CCZ1B: variants seen among roughly 807,000 people sequenced by gnomAD.
The protein encoded by CCZ1B is vacuolar fusion protein CCZ1 homolog B.
A neutral mutation model predicts 58.8 loss-of-function variants in CCZ1B; 25 were observed. That is an observed-to-expected ratio of 0.43 (90% confidence interval 0.31 to 0.59). The LOEUF (loss-of-function observed/expected upper bound fraction) is 0.59, where lower values mean the gene tolerates loss of function less well. Ranked by LOEUF, CCZ1B falls within the 20% of genes least tolerant of loss-of-function variation. The probability of loss-of-function intolerance (pLI) is 0.12; values close to 1 mark genes in which losing one functional copy is unlikely to be tolerated. For missense variants in CCZ1B, 180 were observed against 501.5 expected (o/e 0.36, Z 6.12); for synonymous variants, 66 against 173.2 (o/e 0.38, Z 4.86).
At chr7:6,817,874 C>T (rs13236521) in intron 7 of CCZ1B, among the ~76,000 whole-genome samples, 3 of 148,936 alleles carry the variant, frequency 2.0e-5, no homozygotes, top group African/African-American at 5.1e-5. Flanking sequence ...TGTTGTGGTA[C>T]TCACCTGTAA....
intron 9 of CCZ1B, 34 bp downstream of exon 9, chr7:6,812,942 C>A (rs746452106): frequency 2.6e-6 from 4 of 1,518,296 alleles, no homozygotes; most frequent in Non-Finnish European, 2.7e-6. Context: ...AGAAAGAAAA[C>A]CCAGTATCAT....
chr7:6,814,501 C>T (rs1782966909), intron 8 of CCZ1B: 3 of 348,564 alleles, frequency 8.6e-6, no homozygotes, highest in Non-Finnish European at 1.6e-5. Context: ...GTCTCAAAAA[C>T]CAAACAAACA....
chr7:6,814,989 A>T, intron 7 of CCZ1B, 144 bp from the exon 8 acceptor site: 1 of 556,784 alleles, frequency 1.8e-6, no homozygotes, highest in Non-Finnish European at 3.0e-6. Flanking sequence ...TAAAGTTTAA[A>T]GCTACTTAAA....
At chr7:6,813,406 C>T (rs572659982) in intron 8 of CCZ1B, among the ~76,000 whole-genome samples, 1 of 149,124 alleles carries the variant, frequency 6.7e-6, no homozygotes, top group African/African-American at 2.5e-5. Flanking sequence ...GGCAACATGA[C>T]GAGATCCCAT....
chr7:6,813,456 T>C (rs1412589597), intron 8 of CCZ1B, among the ~76,000 whole-genome samples: 1 of 149,050 alleles, frequency 6.7e-6, no homozygotes, highest in Non-Finnish European at 1.5e-5. Flanking sequence ...CACACACCTG[T>C]AGTCTCAGCT....
At chr7:6,817,572 C>T (rs1206195057) in intron 7 of CCZ1B, among the ~76,000 whole-genome samples, 2 of 149,868 alleles carry the variant, frequency 1.3e-5, no homozygotes, top group Non-Finnish European at 3.0e-5. Context: ...CCTCTGCAGA[C>T]CTGATGCTAC....
intron 6 of CCZ1B, among the ~76,000 whole-genome samples, chr7:6,820,443 C>A (rs1783090213): frequency 6.7e-6 from 1 of 148,924 alleles, no homozygotes; most frequent in Non-Finnish European, 1.5e-5. Flanking sequence ...TCCCAAAGTG[C>A]TGGGATTAGA....
At chr7:6,802,060 G>A (rs948722116) in intron 12 of CCZ1B, among the ~76,000 whole-genome samples, 1 of 100,324 alleles carries the variant, frequency 1.0e-5, no homozygotes. Context: ...ACCCCTGCTT[G>A]AGGAGAGTAA....
At chr7:6,816,205 C>T (rs969971798) in intron 7 of CCZ1B, among the ~76,000 whole-genome samples, 2 of 148,362 alleles carry the variant, frequency 1.3e-5, no homozygotes, top group African/African-American at 2.6e-5. Flanking sequence ...GGTGGTCGGG[C>T]GCGGAAGCTC....
At position 6,820,128 on chromosome 7, in the gene CCZ1B, T is replaced by C. The variant is rs1328961624; in HGVS notation, c.523-187A>G. On this transcript the variant is annotated intron_variant, in intron 6 of 14. Coordinates refer to ENST00000316731, the MANE Select transcript of CCZ1B (RefSeq NM_198097.5). ...TGTCAACTCAGTACCAATTCCAAGATACAAAGTTCAAACTATCTACTTAAT... is the reference window on the plus strand; with the variant it reads ...TGTCAACTCAGTACCAATTCCAAGACACAAAGTTCAAACTATCTACTTAAT... Among the ~76,000 whole-genome samples the C allele has an allele frequency of 4.6e-4, 51 of 111,956 alleles. 8 individuals carry two copies. Among genetic ancestry groups the C allele is most frequent in the African/African-American group, 1.5e-3 (48 of 31,056 alleles). The allele number at this position is 111,956 out of a possible 152,430, so 73.4% of individuals were successfully genotyped here.
chr7:6,815,163 T>A (rs190336162), intron 7 of CCZ1B, among the ~76,000 whole-genome samples: 1,839 of 132,590 alleles, frequency 0.014, 152 homozygotes, highest in African/African-American at 0.05. Flanking sequence ...TAAAAAAAAA[T>A]TTTTTTTTCT....
At chr7:6,823,496 GA>G in intron 4 of CCZ1B, 136 bp from the exon 5 acceptor site, 4 of 918,448 alleles carry the variant, frequency 4.4e-6, no homozygotes, top group East Asian at 3.5e-5. Flanking sequence ...GTTGCGTGCT[GA>G]AAAAAAGTGT....
At position 6,819,871 on chromosome 7, in the gene CCZ1B, A is replaced by G; in HGVS notation, c.593T>C (p.Leu198Ser). ...DIFGGISFFP[L>S]DKMTYLKIQS... ...GATTTTCAAATAAGTCATTTTATCC[A>G]ACGGGAAGAAGCTGATTCCACCAAA... Residue 198 changes from leucine (L) to serine (S), a missense_variant, in exon 7 of 15, where the codon TTG becomes TCG. Physicochemically the swap from Leu to Ser is moderately radical, Grantham distance 145 (BLOSUM62 -2). Transcript: ENST00000316731. 6.3e-7 allele frequency: 1 copy of G among 1,585,212 alleles called. No homozygotes were observed.
At chr7:6,803,965 C>CA (rs989113872) in intron 12 of CCZ1B, among the ~76,000 whole-genome samples, 2 of 141,626 alleles carry the variant, frequency 1.4e-5, no homozygotes, top group Non-Finnish European at 3.1e-5. Flanking sequence ...AAAAAAAACC[C>CA]AAAAAACAAC....
At chr7:6,819,990 T>C (rs748172589) in intron 6 of CCZ1B, 49 bp from the exon 7 acceptor site, 1 of 1,460,384 alleles carries the variant, frequency 6.8e-7, no homozygotes, top group Non-Finnish European at 9.4e-7. Flanking sequence ...ACACTGAATA[T>C]AATGCTCCTT....
rs546071014 is a variant in CCZ1B at position 6,814,709 on chromosome 7, C to T, written c.780+55G>A. 8.2e-4 allele frequency: 1,213 copies of T among 1,475,824 alleles called. 23 individuals are homozygous for T. Among genetic ancestry groups the T allele is most frequent in the Non-Finnish European group, 1.1e-3 (1,175 of 1,070,014 alleles). The allele number at this position is 1,475,824 out of a possible 1,614,324, so 91.4% of individuals were successfully genotyped here. ...CCCATGCACCACCATCTCACTCCAC[C>T]TGCCCTCTCTGTGCCCCTGCATGTA... On this transcript the variant is annotated intron_variant, in intron 8 of 14. Transcript: ENST00000316731.
chr7:6,804,294 AC>A (rs1782804856), intron 12 of CCZ1B, among the ~76,000 whole-genome samples: 1 of 111,296 alleles, frequency 9.0e-6, no homozygotes, highest in Non-Finnish European at 1.8e-5. Context: ...ATGGTGGTGC[AC>A]GCCTGTAATC....
chr7:6,820,324 G>A (rs551698287), intron 6 of CCZ1B, among the ~76,000 whole-genome samples: 1 of 149,112 alleles, frequency 6.7e-6, no homozygotes, highest in African/African-American at 2.5e-5. Context: ...GACTACAGGC[G>A]CCTGCCACCA....
chr7:6,818,470 A>G (rs1233014410), intron 7 of CCZ1B, among the ~76,000 whole-genome samples: 1 of 148,994 alleles, frequency 6.7e-6, no homozygotes, highest in African/African-American at 2.5e-5. Flanking sequence ...AATCGCTTGA[A>G]CCCAGGAAGG....
Sources: allele counts gnomAD v4.1 joint callset (sites outside exome capture counted in the v4.1 genomes callset), GRCh38; gene constraint gnomAD v4.1.1; transcripts MANE v1.5; gene names NCBI Gene and HGNC (gene_info 2026-07-23, HGNC 2026-07-21).